OPCML: variants seen among roughly 807,000 people sequenced by gnomAD.
The protein encoded by OPCML is opioid binding protein/cell adhesion molecule like, also known as opioid-binding protein/cell adhesion molecule.
A neutral mutation model predicts 37.8 loss-of-function variants in OPCML; 13 were observed. That is an observed-to-expected ratio of 0.34 (90% CI 0.22 to 0.55). The LOEUF (loss-of-function observed/expected upper bound fraction) is 0.55, where lower values mean the gene tolerates loss of function less well. OPCML is among the 20% of genes least tolerant of loss of function. OPCML has a pLI of 0.91. For missense variants in OPCML, 341 were observed against 435.6 expected (o/e 0.78, Z 1.93); for synonymous variants, 176 against 168.8 (o/e 1.04, Z -0.33).
At chr11:132,944,957 C>T (rs1425108448) in intron 1 of OPCML, among the ~76,000 whole-genome samples, 1 of 152,184 alleles carries the variant, frequency 6.6e-6, no homozygotes, top group Non-Finnish European at 1.5e-5. Flanking sequence ...AAGCTCTTAT[C>T]GTTTATTACT....
intron 2 of OPCML, among the ~76,000 whole-genome samples, chr11:132,858,579 C>G (rs1942162016): frequency 6.6e-6 from 1 of 152,032 alleles, no homozygotes; most frequent in Non-Finnish European, 1.5e-5. Context: ...CCCAGAGGCC[C>G]CTTTCTTCCC....
At chr11:132,988,797 T>C (rs891840407) in intron 1 of OPCML, among the ~76,000 whole-genome samples, 3 of 152,196 alleles carry the variant, frequency 2.0e-5, no homozygotes, top group Non-Finnish European at 2.9e-5. Flanking sequence ...TCAATTAGAT[T>C]GAAAATGGAG....
chr11:133,469,770 G>T (rs1283382338), intron 1 of OPCML, among the ~76,000 whole-genome samples: 4 of 152,034 alleles, frequency 2.6e-5, no homozygotes, highest in Non-Finnish European at 4.4e-5. Context: ...ACTATTTTAT[G>T]AAAAACCCCC....
chr11:132,593,400 G>A (rs545954797), intron 3 of OPCML, among the ~76,000 whole-genome samples: 6 of 152,138 alleles, frequency 3.9e-5, no homozygotes, highest in South Asian at 2.1e-4. Context: ...ATCCTCAGTC[G>A]GTTTCCTGTA....
intron 2 of OPCML, among the ~76,000 whole-genome samples, chr11:132,737,432 G>A (rs1051074012): frequency 3.3e-5 from 5 of 152,088 alleles, no homozygotes; most frequent in Non-Finnish European, 5.9e-5. Flanking sequence ...TCTTGTATGT[G>A]CTAATATTTG....
chr11:133,186,253 T>A (rs566408452), intron 1 of OPCML, among the ~76,000 whole-genome samples: 1 of 152,172 alleles, frequency 6.6e-6, no homozygotes, highest in East Asian at 1.9e-4. Flanking sequence ...AAAAGAGAAG[T>A]TTTTACACAT....
chr11:132,670,732 T>G (rs1218199639), intron 2 of OPCML, among the ~76,000 whole-genome samples: 1 of 152,152 alleles, frequency 6.6e-6, no homozygotes, highest in Non-Finnish European at 1.5e-5. Context: ...CCAAAGAAAC[T>G]ATTTTTTTTT....
In OPCML at chr11:132,422,328, T is replaced by C. The variant is rs775129240; in HGVS notation, c.917-2035A>G. On this transcript the variant is annotated intron_variant, in intron 7 of 7. Coordinates refer to ENST00000524381, the MANE Select transcript of OPCML (RefSeq NM_001012393.5). ...TAAAGCAAAGAGGAGTGGGGCAATA[T>C]ACACAGAAAACAGACCATGGAAGAG... is the stretch of plus-strand genomic sequence containing the variant. 3.3e-5 allele frequency among the ~76,000 whole-genome samples: 5 copies of C among 152,116 alleles called. No individual in the cohort carries two copies. In the East Asian group the frequency reaches 9.7e-4, roughly 29 times the overall value.
chr11:133,097,895 C>T (rs1207316959), intron 1 of OPCML, among the ~76,000 whole-genome samples: 2 of 152,068 alleles, frequency 1.3e-5, no homozygotes, highest in African/African-American at 4.8e-5. Flanking sequence ...GCAAAAGGAA[C>T]CAGGCCCAGA....
At chr11:133,024,712 G>A (rs578209767) in intron 1 of OPCML, 23 of 858,896 alleles carry the variant, frequency 2.7e-5, no homozygotes, top group East Asian at 1.2e-4. Flanking sequence ...GGTTCTTAAC[G>A]TATGCATCTT....
chr11:133,260,099 T>C (rs1034208907), intron 1 of OPCML, among the ~76,000 whole-genome samples: 1 of 151,644 alleles, frequency 6.6e-6, no homozygotes, highest in Non-Finnish European at 1.5e-5. Context: ...CCCCAAAATA[T>C]AGTAGTGAGT....
intron 2 of OPCML, among the ~76,000 whole-genome samples, chr11:132,815,792 A>G (rs1294427321): frequency 6.6e-6 from 1 of 152,220 alleles, no homozygotes; most frequent in African/African-American, 2.4e-5. Flanking sequence ...AATTTATTAA[A>G]GCCAGTCAAG....
intron 1 of OPCML, among the ~76,000 whole-genome samples, chr11:133,044,724 T>A (rs368549110): frequency 6.6e-6 from 1 of 152,180 alleles, no homozygotes; most frequent in African/African-American, 2.4e-5. Context: ...ACAGAGCTAG[T>A]GATTAGCAGA....
chr11:132,717,684 G>A (rs1172171759), intron 2 of OPCML, among the ~76,000 whole-genome samples: 1 of 152,056 alleles, frequency 6.6e-6, no homozygotes, highest in Non-Finnish European at 1.5e-5. Flanking sequence ...ATCAAACTCA[G>A]AAAATAGAAA....
At chr11:133,309,001 A>G (rs750363398) in intron 1 of OPCML, among the ~76,000 whole-genome samples, 2 of 152,184 alleles carry the variant, frequency 1.3e-5, no homozygotes, top group Non-Finnish European at 2.9e-5. Flanking sequence ...GGAGTAGACC[A>G]TTCTTCCTTG....
chr11:133,498,740 C>G (rs1947842223), intron 1 of OPCML, among the ~76,000 whole-genome samples: 1 of 152,162 alleles, frequency 6.6e-6, no homozygotes, highest in African/African-American at 2.4e-5. Flanking sequence ...ATATGAAAAC[C>G]AGGGAGGTCC....
intron 1 of OPCML, among the ~76,000 whole-genome samples, chr11:133,323,566 G>C (rs1435649510): frequency 6.6e-6 from 1 of 152,150 alleles, no homozygotes; most frequent in Non-Finnish European, 1.5e-5. Flanking sequence ...GCTATTGGTG[G>C]TGTTCAGTCC....
intron 1 of OPCML, chr11:133,004,046 T>A (rs2136855833): frequency 1.0e-6 from 1 of 985,246 alleles, no homozygotes; most frequent in African/African-American, 1.7e-5. Flanking sequence ...AAATGCCAGC[T>A]GGGAAGGAGG....
intron 1 of OPCML, among the ~76,000 whole-genome samples, chr11:133,463,117 C>A (rs1223548012): frequency 2.2e-5 from 2 of 91,584 alleles, no homozygotes; most frequent in African/African-American, 8.0e-5. Flanking sequence ...TGACATCAGG[C>A]TCAAAAAAAA....
Sources: gnomAD v4.1 joint callset for allele counts (sites outside exome capture counted in the v4.1 genomes callset) on GRCh38, gnomAD v4.1.1 for gene constraint, MANE v1.5 for transcripts, NCBI Gene and HGNC (gene_info 2026-07-23, HGNC 2026-07-21) for gene names.